XYLT1: variants seen among roughly 807,000 people sequenced by gnomAD.
XYLT1 encodes beta-D-xylosyltransferase 1.
A neutral mutation model predicts 91.3 loss-of-function variants in XYLT1; 36 were observed. That is an observed-to-expected ratio of 0.39 (90% CI 0.30 to 0.52). The LOEUF (loss-of-function observed/expected upper bound fraction) is 0.52, where lower values mean the gene tolerates loss of function less well. XYLT1 is among the 20% of genes least tolerant of loss of function. The pLI is 0.68. For missense variants in XYLT1, 1,242 were observed against 1,284.5 expected (o/e 0.97, Z 0.51); for synonymous variants, 588 against 532.0 (o/e 1.11, Z -1.45).
chr16:17,469,991 T>G (rs1427740483), intron 1 of XYLT1, among the ~76,000 whole-genome samples: 5 of 152,106 alleles, frequency 3.3e-5, no homozygotes. Context: ...CTCAACTGTC[T>G]GCACCCAGCT....
At chr16:17,194,771 C>A (rs1210561038) in intron 5 of XYLT1, among the ~76,000 whole-genome samples, 3 of 152,238 alleles carry the variant, frequency 2.0e-5, no homozygotes, top group Non-Finnish European at 4.4e-5. Context: ...CCCCACTCTG[C>A]CATGCATTCA....
In XYLT1 at chr16:17,405,811, T is replaced by C. The variant is rs551635452; in HGVS notation, c.364-47761A>G. ...GATGAGAGTGAAAAGAAGGGCACAG[T>C]GATGTAAAGAATTCCTCCATTTCCC... On this transcript the variant is annotated intron_variant, in intron 1 of 11. Coordinates refer to ENST00000261381, the MANE Select transcript of XYLT1 (RefSeq NM_022166.4). 4.9e-4 allele frequency among the ~76,000 whole-genome samples: 74 copies of C among 152,234 alleles called. No individual in the cohort carries two copies. In the Middle Eastern group the frequency reaches 0.014, roughly 28 times the overall value.
At chr16:17,184,848 G>C (rs1254063258) in intron 5 of XYLT1, among the ~76,000 whole-genome samples, 1 of 152,174 alleles carries the variant, frequency 6.6e-6, no homozygotes, top group Non-Finnish European at 1.5e-5. Flanking sequence ...CCAGGACTCT[G>C]AATTTTTTTT....
At chr16:17,454,007 G>A (rs2036702557) in intron 1 of XYLT1, among the ~76,000 whole-genome samples, 1 of 152,170 alleles carries the variant, frequency 6.6e-6, no homozygotes, top group Admixed American at 6.5e-5. Context: ...TCTGAATTTT[G>A]CAAGACTAAT....
intron 3 of XYLT1, among the ~76,000 whole-genome samples, chr16:17,232,385 C>G (rs2033173096): frequency 7.4e-6 from 1 of 134,798 alleles, no homozygotes; most frequent in East Asian, 2.1e-4. Flanking sequence ...CAGTGCATGA[C>G]TGTGTCTGTG....
At chr16:17,416,707 G>A (rs117586441) in intron 1 of XYLT1, among the ~76,000 whole-genome samples, 511 of 152,306 alleles carry the variant, frequency 3.4e-3, no homozygotes, top group Non-Finnish European at 5.6e-3. Context: ...TTCTGCGGGA[G>A]AGCAGGACAG....
rs8060524 is a variant in XYLT1, at chr16:17,161,776, A to G, written c.1290-2867T>C. 5.4e-3 allele frequency among the ~76,000 whole-genome samples: 814 copies of G among 151,426 alleles called. 5 individuals are homozygous for G. Among genetic ancestry groups the G allele is most frequent in the African/African-American group, 0.018 (754 of 41,186 alleles). On this transcript the variant is annotated intron_variant, in intron 5 of 11. Coordinates refer to ENST00000261381, the MANE Select transcript of XYLT1 (RefSeq NM_022166.4). ...ATGGTTCCCATAGTTCATCTCTTGT[A>G]TCTATCTCATCATCAATTTCCTCCT...
chr16:17,186,326 C>T (rs1462655564), intron 5 of XYLT1, among the ~76,000 whole-genome samples: 1 of 152,164 alleles, frequency 6.6e-6, no homozygotes, highest in Non-Finnish European at 1.5e-5. Flanking sequence ...TGGTCTCAAA[C>T]TCCTCACCTC....
intron 1 of XYLT1, among the ~76,000 whole-genome samples, chr16:17,454,269 A>G (rs1178210356): frequency 6.6e-6 from 1 of 152,248 alleles, no homozygotes; most frequent in African/African-American, 2.4e-5. Flanking sequence ...AACTTCCCAA[A>G]TGCCCATAAA....
At chr16:17,270,953 C>G (rs2033879280) in intron 2 of XYLT1, among the ~76,000 whole-genome samples, 1 of 152,166 alleles carries the variant, frequency 6.6e-6, no homozygotes, top group African/African-American at 2.4e-5. Flanking sequence ...CCCAAGGTCA[C>G]TCGGTGGGTA....
At chr16:17,206,506 A>T (rs111779435) in intron 3 of XYLT1, among the ~76,000 whole-genome samples, 1 of 151,950 alleles carries the variant, frequency 6.6e-6, no homozygotes, top group Non-Finnish European at 1.5e-5. Flanking sequence ...GGGCAAGTCA[A>T]TTTCTTTCCT....
chr16:17,178,657 T>A (rs894223219), intron 5 of XYLT1, among the ~76,000 whole-genome samples: 2 of 152,226 alleles, frequency 1.3e-5, no homozygotes, highest in Non-Finnish European at 2.9e-5. Context: ...AACACAGTCA[T>A]ACCCATTCAT....
chr16:17,221,362 C>T (rs1347202765), intron 3 of XYLT1, among the ~76,000 whole-genome samples: 4 of 152,204 alleles, frequency 2.6e-5, no homozygotes, highest in South Asian at 2.1e-4. Flanking sequence ...AGAGTGTTTT[C>T]GGTTGGTTGG....
chr16:17,456,719 T>C (rs7191780), intron 1 of XYLT1, among the ~76,000 whole-genome samples: 45,276 of 152,040 alleles, frequency 0.3, 8,647 homozygotes, highest in African/African-American at 0.54. Flanking sequence ...GGCACATGCA[T>C]GGCATTTGAC....
chr16:17,438,813 A>G (rs952819893), intron 1 of XYLT1, among the ~76,000 whole-genome samples: 1 of 152,116 alleles, frequency 6.6e-6, no homozygotes, highest in Non-Finnish European at 1.5e-5. Flanking sequence ...TCACGAGAAC[A>G]GTAAGGGGAA....
At position 17,105,814 on chromosome 16, in the gene XYLT1, C is replaced by T. The variant is rs1426533974; in HGVS notation, c.*2881G>A. The T allele has an allele frequency of 6.6e-6, 1 of 152,062 alleles. No individual in the cohort carries two copies. Among genetic ancestry groups the T allele is most frequent in the Non-Finnish European group, 1.5e-5 (1 of 68,004 alleles). The allele number at this position is 152,062 out of a possible 1,614,324, so 9.4% of individuals were successfully genotyped here. On this transcript the variant is annotated 3_prime_UTR_variant, in exon 12 of 12. Coordinates refer to ENST00000261381, the MANE Select transcript of XYLT1 (RefSeq NM_022166.4). ...CTCCAGGCTGTCTGACCAATGGCCT[C>T]CAACAAATAAATAAATCATTCTCAG...
At chr16:17,254,039 G>A (rs899058973) in intron 3 of XYLT1, among the ~76,000 whole-genome samples, 1 of 152,154 alleles carries the variant, frequency 6.6e-6, no homozygotes, top group Non-Finnish European at 1.5e-5. Flanking sequence ...CCCCTTCCTT[G>A]AGCCTCGATT....
chr16:17,169,489 A>G (rs1426326029), intron 5 of XYLT1, among the ~76,000 whole-genome samples: 1 of 152,184 alleles, frequency 6.6e-6, no homozygotes. Context: ...ATGCCTTTCT[A>G]AGAGGCAGTT....
chr16:17,413,918 C>T (rs755301144), intron 1 of XYLT1, among the ~76,000 whole-genome samples: 14 of 152,140 alleles, frequency 9.2e-5, no homozygotes, highest in South Asian at 6.2e-4. Context: ...AATTTTCCCC[C>T]GCCCTAAACC....
Sources: gnomAD v4.1 joint callset for allele counts (sites outside exome capture counted in the v4.1 genomes callset) on GRCh38, gnomAD v4.1.1 for gene constraint, MANE v1.5 for transcripts, NCBI Gene and HGNC (gene_info 2026-07-23, HGNC 2026-07-21) for gene names.